Variants in TPM3 observed in about 807,000 individuals in gnomAD.
TPM3 encodes tropomyosin alpha-3 chain.
Under a neutral mutation model 43.1 loss-of-function variants are expected in TPM3, and 16 were observed. The observed-to-expected ratio is 0.37, with a 90% CI of 0.25 to 0.56. TPM3 has a LOEUF of 0.56. Among genes scored for constraint, TPM3 ranks in the 20% least tolerant of loss-of-function variants. The probability of loss-of-function intolerance (pLI) is 0.77; values close to 1 mark genes in which losing one functional copy is unlikely to be tolerated. For missense variants in TPM3, 176 were observed against 337.2 expected (o/e 0.52, Z 3.74); for synonymous variants, 101 against 116.9 (o/e 0.86, Z 0.88).
At chr1:154,175,434 T>C (rs971169889) in intron 3 of TPM3, among the ~76,000 whole-genome samples, 1 of 151,510 alleles carries the variant, frequency 6.6e-6, no homozygotes, top group African/African-American at 2.4e-5. Flanking sequence ...GATCTAAGCA[T>C]CCAGTTTTAA....
chr1:154,191,526 C>T (rs1663680631), intron 1 of TPM3: 1 of 1,297,156 alleles, frequency 7.7e-7, no homozygotes, highest in Non-Finnish European at 1.0e-6. Context: ...CCAAGCCATC[C>T]TGGGTTTTCA....
chr1:154,176,074 G>A (rs1662274529), intron 3 of TPM3, 41 bp downstream of exon 3: 2 of 1,611,552 alleles, frequency 1.2e-6, no homozygotes, highest in Admixed American at 1.7e-5. Flanking sequence ...GAACTATTAT[G>A]AACTTTTAAA....
intron 5 of TPM3, chr1:154,171,932 C>A (rs1029718944): frequency 3.1e-6 from 4 of 1,301,470 alleles, no homozygotes; most frequent in Non-Finnish European, 4.4e-6. Flanking sequence ...CAGCACTCAA[C>A]AAAATCAAGT....
rs1457552647 is a variant in TPM3 at position 154,161,838 on chromosome 1, G to A, written c.*6099C>T. On this transcript the variant is annotated 3_prime_UTR_variant, in exon 10 of 10. Transcript: ENST00000651641. ...AAGGAGTGAGAGCATTTTATTGCCT[G>A]ACTAAATCACAGAACACAGAGTTTC... Among the ~76,000 whole-genome samples the A allele has an allele frequency of 6.6e-6, 1 of 152,106 alleles. No individual in the cohort carries two copies. The highest frequency in any genetic ancestry group is 1.5e-5 in the Non-Finnish European group (1 of 68,032).
downstream of TPM3, chr1:154,156,163 G>A (rs563776648): frequency 5.2e-5 from 9 of 173,346 alleles, no homozygotes; most frequent in Non-Finnish European, 1.1e-4. Flanking sequence ...ACCAGGAGGC[G>A]GAGGTTGCAG....
At chr1:154,180,157 G>T (rs564226536) in intron 2 of TPM3, among the ~76,000 whole-genome samples, 3 of 152,160 alleles carry the variant, frequency 2.0e-5, no homozygotes, top group Non-Finnish European at 4.4e-5. Flanking sequence ...TTTCCAGGCC[G>T]AGAGCAGAAA....
At chr1:154,191,484 C>T in intron 1 of TPM3, 173 bp from the exon 2 acceptor site, 1 of 1,333,644 alleles carries the variant, frequency 7.5e-7, no homozygotes, top group South Asian at 1.3e-5. Context: ...GTAGCTTGGC[C>T]TGTGACCCTG....
chr1:154,172,197 GA>G (rs761198665), intron 5 of TPM3: 4,132 of 1,134,534 alleles, frequency 3.6e-3, no homozygotes, highest in Non-Finnish European at 4.4e-3. Flanking sequence ...GCAGCAAAAC[GA>G]AAAAAAAAAA....
chr1:154,171,309 A>G, intron 6 of TPM3, 104 bp downstream of exon 6: 1 of 1,198,766 alleles, frequency 8.3e-7, no homozygotes, highest in Non-Finnish European at 1.2e-6. Context: ...GGAAGAGGAC[A>G]CGCCTCACTG....
At chr1:154,169,958 A>G (rs1027983660) in intron 8 of TPM3, 20 of 256,054 alleles carry the variant, frequency 7.8e-5, no homozygotes, top group African/African-American at 1.4e-4. Flanking sequence ...ACATTGGTCA[A>G]TGTTCAGATA....
intron 2 of TPM3, among the ~76,000 whole-genome samples, chr1:154,186,009 C>T (rs1316223089): frequency 2.0e-5 from 3 of 151,568 alleles, no homozygotes; most frequent in Non-Finnish European, 2.9e-5. Flanking sequence ...ATGCTCCCTG[C>T]AGAGCCTCTG....
chr1:154,184,838 G>T (rs946558401), intron 2 of TPM3, among the ~76,000 whole-genome samples: 1 of 151,918 alleles, frequency 6.6e-6, no homozygotes, highest in South Asian at 2.1e-4. Context: ...TTCTTGAGCC[G>T]GGAAGGCAGA....
downstream of TPM3, chr1:154,159,165 G>T: frequency 1.4e-6 from 1 of 697,268 alleles, no homozygotes; most frequent in Non-Finnish European, 2.6e-6. Context: ...CTTTCAACTA[G>T]CTGGTATATA....
chr1:154,181,925 A>G (rs1008731358), intron 2 of TPM3, among the ~76,000 whole-genome samples: 2 of 152,196 alleles, frequency 1.3e-5, no homozygotes, highest in Non-Finnish European at 2.9e-5. Flanking sequence ...TGTCTCAAAA[A>G]AAAGAAAGGA....
At position 154,163,065 on chromosome 1, in the gene TPM3, T is replaced by C. The variant is rs1660550689; in HGVS notation, c.*4872A>G. ...ACCTTGTGATCCACCTGCCTCGGCT[T>C]CCCAAAGTGTTGGGATTACAGGCAT... On this transcript the variant is annotated 3_prime_UTR_variant, in exon 10 of 10. Transcript: ENST00000651641. Among the ~76,000 whole-genome samples the C allele has an allele frequency of 6.6e-6, 1 of 152,178 alleles. No homozygotes were observed. Among genetic ancestry groups the C allele is most frequent in the Non-Finnish European group, 1.5e-5 (1 of 68,036 alleles).
rs68185418 is a variant in TPM3 at position 154,165,789 on chromosome 1, C to CA, written c.*2147dup. ...AGGTGACAAGAGTCAAACTCCGTCTCAAAAAAAAAAAAAAAAAGAAAAAAA... is the reference window on the plus strand; with the variant it reads ...AGGTGACAAGAGTCAAACTCCGTCTCAAAAAAAAAAAAAAAAAAGAAAAAAA... On this transcript the variant is annotated 3_prime_UTR_variant, in exon 10 of 10. Coordinates refer to ENST00000651641, the MANE Select transcript of TPM3 (RefSeq NM_152263.4). Among the ~76,000 whole-genome samples the CA allele has an allele frequency of 0.015, 1,232 of 81,930 alleles. 5 individuals are homozygous for CA. The highest frequency in any genetic ancestry group is 0.02 in the African/African-American group (453 of 23,226). The allele number at this position is 81,930 out of a possible 152,430, so 53.7% of individuals were successfully genotyped here.
rs1257906338 is a variant in TPM3 at position 154,185,410 on chromosome 1, G to A, written c.243+5776C>T. On this transcript the variant is annotated intron_variant, in intron 2 of 9. Transcript: ENST00000651641. ...AAAAAAATGGCAAAACAGACCAGGC[G>A]CAGTGGCTCACACCTGTAATCCCAG... Among the ~76,000 whole-genome samples the A allele has an allele frequency of 6.3e-5, 9 of 142,610 alleles. No individual in the cohort carries two copies. In the South Asian group the frequency reaches 6.5e-4, roughly 10 times the overall value. 93.6% of individuals were successfully genotyped at this position (142,610 alleles called of 152,430 possible). A position where few individuals can be genotyped will look rare whatever the true frequency, so the allele number is the denominator to read the frequency against.
intron 6 of TPM3, 77 bp downstream of exon 6, chr1:154,171,336 C>T: frequency 8.2e-6 from 12 of 1,465,034 alleles, no homozygotes; most frequent in East Asian, 2.3e-5. Flanking sequence ...ATATGGAATG[C>T]GTGTCTCCAG....
intron 5 of TPM3, chr1:154,172,463 G>A (rs1025918337): frequency 2.4e-5 from 12 of 506,654 alleles, no homozygotes; most frequent in Admixed American, 4.6e-5. Context: ...TCCCTATGAC[G>A]CCCAGGCTGG....
Sources: allele counts gnomAD v4.1 joint callset (sites outside exome capture counted in the v4.1 genomes callset), GRCh38; gene constraint gnomAD v4.1.1; transcripts MANE v1.5; gene names NCBI Gene and HGNC (gene_info 2026-07-23, HGNC 2026-07-21).